ARHGAP20: variants seen among roughly 807,000 people sequenced by gnomAD.
ARHGAP20 encodes rho GTPase-activating protein 20.
ARHGAP20 carries 34 observed loss-of-function variants against 73.7 expected under a neutral mutation model. The ratio of observed to expected loss-of-function variants is 0.46; its 90% CI spans 0.35 to 0.61. The LOEUF (loss-of-function observed/expected upper bound fraction) is 0.61. ARHGAP20 is among the 20% of genes least tolerant of loss of function. ARHGAP20 has a pLI of 0.00. For missense variants in ARHGAP20, 1,314 were observed against 1,420.9 expected (o/e 0.92, Z 1.21); for synonymous variants, 523 against 518.2 (o/e 1.01, Z -0.13).
chr11:110,623,261 G>A (rs933584601), intron 4 of ARHGAP20, among the ~76,000 whole-genome samples: 2 of 152,170 alleles, frequency 1.3e-5, no homozygotes, highest in African/African-American at 4.8e-5. Flanking sequence ...GAGTTTTGTG[G>A]TGGCAAGAAG....
At chr11:110,589,842 T>TG in intron 11 of ARHGAP20, among the ~76,000 whole-genome samples, 1 of 152,330 alleles carries the variant, frequency 6.6e-6, no homozygotes, top group East Asian at 1.9e-4. Flanking sequence ...GGCATTAGGC[T>TG]GGGTGCGGTG....
At chr11:110,674,259 A>G (rs1164320112) in intron 2 of ARHGAP20, among the ~76,000 whole-genome samples, 1 of 152,194 alleles carries the variant, frequency 6.6e-6, no homozygotes, top group African/African-American at 2.4e-5. Flanking sequence ...CTAAGATTAA[A>G]TATCTTTATT....
chr11:110,691,578 A>G (rs1950242795), intron 1 of ARHGAP20, among the ~76,000 whole-genome samples: 1 of 152,216 alleles, frequency 6.6e-6, no homozygotes, highest in African/African-American at 2.4e-5. Flanking sequence ...TCGGTATCCT[A>G]TTATGTGATT....
At chr11:110,605,812 C>T (rs326939) in intron 9 of ARHGAP20, among the ~76,000 whole-genome samples, 31,648 of 152,152 alleles carry the variant, frequency 0.21, 4,198 homozygotes, top group African/African-American at 0.37. Context: ...TAATTTGGTT[C>T]TTTGCAAAAC....
In ARHGAP20 at chr11:110,600,333, C is replaced by A. The variant is rs146189620; in HGVS notation, c.964+6228G>T. ...TTCCTGGCATCTCCAAGCTTCTGGG[C>A]ACCACTGTGTTCCCTAGTGCCAGCC... On this transcript the variant is annotated intron_variant, in intron 9 of 14. Transcript: ENST00000683387. Among the ~76,000 whole-genome samples the A allele has an allele frequency of 5.1e-3, 773 of 152,360 alleles. 7 individuals are homozygous for A. Among genetic ancestry groups the A allele is most frequent in the African/African-American group, 0.018 (738 of 41,586 alleles).
chr11:110,621,150 CAA>C (rs1948621663), intron 4 of ARHGAP20, among the ~76,000 whole-genome samples: 1 of 144,208 alleles, frequency 6.9e-6, no homozygotes, highest in Non-Finnish European at 1.5e-5. Context: ...CATAATAATT[CAA>C]ATTGTCATTT....
intron 2 of ARHGAP20, among the ~76,000 whole-genome samples, chr11:110,639,241 C>CA (rs1267069254): frequency 1.3e-5 from 1 of 79,698 alleles, no homozygotes; most frequent in African/African-American, 1.1e-4. Flanking sequence ...ATTCGATACC[C>CA]CCCCCCCACA....
chr11:110,618,623 G>C (rs1436360298), intron 4 of ARHGAP20, among the ~76,000 whole-genome samples: 3 of 152,218 alleles, frequency 2.0e-5, no homozygotes, highest in South Asian at 2.1e-4. Flanking sequence ...TGCAGTGATA[G>C]AGTATATGCA....
chr11:110,595,851 AAAG>A (rs967744097), intron 9 of ARHGAP20, among the ~76,000 whole-genome samples: 1 of 152,164 alleles, frequency 6.6e-6, no homozygotes, highest in Admixed American at 6.5e-5. Flanking sequence ...TCCTAAGCCA[AAAG>A]AACAAAGCTG....
Position 110,615,656 on chromosome 11 carries a change from T to C in ARHGAP20, c.504-62A>G. 1.9e-5 allele frequency: 28 copies of C among 1,446,546 alleles called. 1 individual carries two copies. In the South Asian group the frequency reaches 3.1e-4, roughly 16 times the overall value. The allele number at this position is 1,446,546 out of a possible 1,614,324, so 89.6% of individuals were successfully genotyped here. ...ACATAAAATACAAATGCTAACAGAT[T>C]TAGGATTGTCAATCCAGATGAAAAT... On this transcript the variant is annotated intron_variant, in intron 4 of 14. Transcript: ENST00000683387.
chr11:110,703,371 T>C (rs1412265829), intron 1 of ARHGAP20, among the ~76,000 whole-genome samples: 1 of 152,060 alleles, frequency 6.6e-6, no homozygotes, highest in Non-Finnish European at 1.5e-5. Flanking sequence ...CTAGGAGACA[T>C]TGGACCTTAA....
intron 1 of ARHGAP20, among the ~76,000 whole-genome samples, chr11:110,705,640 C>T (rs148918530): frequency 1.3e-5 from 2 of 152,220 alleles, no homozygotes; most frequent in East Asian, 3.9e-4. Context: ...TGGTAAAATG[C>T]ACTATGTAAT....
At chr11:110,690,747 C>G in intron 1 of ARHGAP20, 118 bp from the exon 2 acceptor site, 1 of 1,003,760 alleles carries the variant, frequency 1.0e-6, no homozygotes, top group Non-Finnish European at 1.5e-6. Context: ...TGTCAAGGAG[C>G]CTACAGTTTC....
At chr11:110,666,704 TA>T (rs1408683061) in intron 2 of ARHGAP20, among the ~76,000 whole-genome samples, 1 of 152,252 alleles carries the variant, frequency 6.6e-6, no homozygotes, top group Non-Finnish European at 1.5e-5. Context: ...CACATTTTAA[TA>T]ATCTCACATA....
chr11:110,577,682 A>G lies in ARHGAP20; in HGVS notation c.*1688T>C. 9 of 985,890 alleles carry G rather than the reference A, an allele frequency of 9.1e-6. No homozygotes were observed. Among genetic ancestry groups the G allele is most frequent in the Non-Finnish European group, 1.1e-5 (9 of 829,928 alleles). 61.1% of individuals were successfully genotyped at this position (985,890 alleles called of 1,614,324 possible). On this transcript the variant is annotated 3_prime_UTR_variant, in exon 15 of 15. Coordinates refer to ENST00000683387, the MANE Select transcript of ARHGAP20 (RefSeq NM_001384657.1). ...AGTTATAAAGTGAAATCGACTTCAC[A>G]TCTGTGACTCAGATGGCCAGTGTCA...
chr11:110,695,103 T>G (rs191055747), intron 1 of ARHGAP20, among the ~76,000 whole-genome samples: 1 of 151,724 alleles, frequency 6.6e-6, no homozygotes, highest in East Asian at 1.9e-4. Flanking sequence ...AAGTTAATCA[T>G]TTGTCAACAA....
At chr11:110,611,249 A>T in intron 7 of ARHGAP20, 60 bp downstream of exon 7, 1 of 1,126,364 alleles carries the variant, frequency 8.9e-7, no homozygotes, top group Non-Finnish European at 1.3e-6. Context: ...GAAAATACTT[A>T]CATAAATTTA....
At chr11:110,597,164 A>G (rs934238078) in intron 9 of ARHGAP20, among the ~76,000 whole-genome samples, 1 of 151,170 alleles carries the variant, frequency 6.6e-6, no homozygotes, top group African/African-American at 2.4e-5. Flanking sequence ...GGGGAGGGAA[A>G]GCACTGGGAA....
intron 13 of ARHGAP20, among the ~76,000 whole-genome samples, chr11:110,582,644 GTTA>G (rs1335676764): frequency 6.6e-6 from 1 of 152,182 alleles, no homozygotes; most frequent in Admixed American, 6.5e-5. Context: ...GTGGACTAAA[GTTA>G]TTATTTGTAG....
Sources: allele counts gnomAD v4.1 joint callset (sites outside exome capture counted in the v4.1 genomes callset), GRCh38; gene constraint gnomAD v4.1.1; transcripts MANE v1.5; gene names NCBI Gene and HGNC (gene_info 2026-07-23, HGNC 2026-07-21).